FNDC3B: variants seen among roughly 807,000 people sequenced by gnomAD.
FNDC3B encodes fibronectin type III domain containing 3B, also known as fibronectin type III domain-containing protein 3B.
In FNDC3B, 12 loss-of-function variants were observed where a neutral mutation model predicts 151.5. That is an observed-to-expected ratio of 0.08 (90% CI 0.05 to 0.13). FNDC3B has a LOEUF of 0.13. FNDC3B is among the 10% of genes least tolerant of loss of function. The probability of loss-of-function intolerance (pLI) is 1.00; values close to 1 mark genes in which losing one functional copy is unlikely to be tolerated. For synonymous variants in FNDC3B, 528 were observed against 549.0 expected (o/e 0.96, Z 0.54); for missense variants, 1,214 against 1,505.3 (o/e 0.81, Z 3.20).
intron 3 of FNDC3B, among the ~76,000 whole-genome samples, chr3:172,149,404 C>T (rs1179789198): frequency 6.6e-6 from 1 of 152,196 alleles, no homozygotes; most frequent in Non-Finnish European, 1.5e-5. Context: ...TTCCATTGAT[C>T]AGGGGTTCAG....
chr3:172,160,458 C>A (rs964125406), intron 3 of FNDC3B, among the ~76,000 whole-genome samples: 4 of 152,204 alleles, frequency 2.6e-5, no homozygotes, highest in Non-Finnish European at 4.4e-5. Flanking sequence ...GGTTTACACC[C>A]CAACCCTAAG....
chr3:172,261,546 A>G lies in FNDC3B; in HGVS notation c.790+10005A>G, dbSNP rs113874933. 3.0e-3 allele frequency among the ~76,000 whole-genome samples: 461 copies of G among 152,276 alleles called. 4 individuals carry two copies. Among genetic ancestry groups the G allele is most frequent in the African/African-American group, 0.011 (447 of 41,562 alleles). On this transcript the variant is annotated intron_variant, in intron 6 of 25. Transcript: ENST00000415807. ...TTTTATTTTAAATTTAATTTGCTCA[A>G]CCAGACACACAGTGTAGCAGACGCT...
At chr3:172,268,735 C>G (rs964995769) in intron 6 of FNDC3B, among the ~76,000 whole-genome samples, 1 of 152,308 alleles carries the variant, frequency 6.6e-6, no homozygotes, top group Admixed American at 6.5e-5. Flanking sequence ...AATAGTTTCT[C>G]CAATCTTTCC....
In FNDC3B at chr3:172,264,966, T is replaced by G. The variant is rs577351000; in HGVS notation, c.790+13425T>G. ...TTTTGTCCATTTTTATCTTTAATGA[T>G]CTCAGTAGGAGGTAAACAACCTCGA... is the stretch of plus-strand genomic sequence containing the variant. On this transcript the variant is annotated intron_variant, in intron 6 of 25. Transcript: ENST00000415807. 9.8e-5 allele frequency among the ~76,000 whole-genome samples: 15 copies of G among 152,316 alleles called. No homozygotes were observed. The East Asian group carries it at 2.9e-3, about 29-fold the overall frequency.
intron 1 of FNDC3B, among the ~76,000 whole-genome samples, chr3:172,052,949 G>T (rs1234369258): frequency 6.6e-6 from 1 of 152,150 alleles, no homozygotes; most frequent in Non-Finnish European, 1.5e-5. Flanking sequence ...TTAGAAATGA[G>T]GACACTTTTG....
chr3:172,235,962 A>G (rs562055866), intron 4 of FNDC3B, among the ~76,000 whole-genome samples: 2 of 152,346 alleles, frequency 1.3e-5, no homozygotes, highest in East Asian at 3.9e-4. Flanking sequence ...GGTAATGGAC[A>G]GGTACTGCAG....
intron 9 of FNDC3B, chr3:172,302,838 GTC>G (rs1730986619): frequency 6.6e-6 from 1 of 151,460 alleles, no homozygotes; most frequent in South Asian, 2.1e-4. Context: ...AAAATCTCCT[GTC>G]TCTGTGTGTG....
intron 1 of FNDC3B, among the ~76,000 whole-genome samples, chr3:172,064,561 T>C (rs749548584): frequency 2.0e-5 from 3 of 152,240 alleles, no homozygotes; most frequent in Admixed American, 2.0e-4. Flanking sequence ...TTAAAATGTT[T>C]TACTTAAAAG....
intron 3 of FNDC3B, among the ~76,000 whole-genome samples, chr3:172,141,964 T>G (rs899281047): frequency 1.3e-5 from 2 of 152,224 alleles, no homozygotes; most frequent in East Asian, 1.9e-4. Flanking sequence ...ATTATAGATT[T>G]TGGAGTGAGA....
At chr3:172,041,258 G>GT (rs752655721) in intron 1 of FNDC3B, among the ~76,000 whole-genome samples, 12 of 152,052 alleles carry the variant, frequency 7.9e-5, no homozygotes, top group Non-Finnish European at 1.8e-4. Flanking sequence ...TTGCTTGTCT[G>GT]TTTATTTTTT....
At chr3:172,045,284 T>G (rs1054285955) in intron 1 of FNDC3B, among the ~76,000 whole-genome samples, 5 of 152,228 alleles carry the variant, frequency 3.3e-5, no homozygotes, top group African/African-American at 1.2e-4. Flanking sequence ...CCTAATGGAA[T>G]AGGTGATTTG....
chr3:172,263,582 A>C (rs2108793460), intron 6 of FNDC3B, among the ~76,000 whole-genome samples: 1 of 131,496 alleles, frequency 7.6e-6, no homozygotes, highest in East Asian at 2.2e-4. Flanking sequence ...TTCAGCTATC[A>C]AGTGTTTTTT....
chr3:172,266,041 A>C (rs79229047), intron 6 of FNDC3B, among the ~76,000 whole-genome samples: 4,518 of 152,268 alleles, frequency 0.03, 234 homozygotes, highest in African/African-American at 0.1. Context: ...CCCTCTGCTC[A>C]ATTTGAGGTA....
chr3:172,379,175 C>G (rs527535971), intron 24 of FNDC3B, among the ~76,000 whole-genome samples: 1 of 152,228 alleles, frequency 6.6e-6, no homozygotes. Flanking sequence ...GCATGCTCAG[C>G]CTGTCCACCC....
At chr3:172,179,805 C>T (rs1560004242) in intron 3 of FNDC3B, among the ~76,000 whole-genome samples, 1 of 141,398 alleles carries the variant, frequency 7.1e-6, no homozygotes, top group Non-Finnish European at 1.5e-5. Context: ...ATCATTTGAG[C>T]CCAGATGACA....
chr3:172,244,773 C>T (rs188836083), intron 4 of FNDC3B, among the ~76,000 whole-genome samples: 5 of 151,898 alleles, frequency 3.3e-5, no homozygotes, highest in Admixed American at 6.6e-5. Context: ...TACAGGTCCA[C>T]GCTGCCACAC....
chr3:172,053,749 C>A (rs1716783838), intron 1 of FNDC3B, among the ~76,000 whole-genome samples: 1 of 148,638 alleles, frequency 6.7e-6, no homozygotes, highest in South Asian at 2.1e-4. Context: ...TGCACTCCAG[C>A]CTAGGTGACA....
chr3:172,207,981 A>G (rs1258579636), intron 3 of FNDC3B, among the ~76,000 whole-genome samples: 1 of 152,206 alleles, frequency 6.6e-6, no homozygotes, highest in Non-Finnish European at 1.5e-5. Context: ...AGTAAAATTA[A>G]AGGGTTGAAG....
intron 11 of FNDC3B, among the ~76,000 whole-genome samples, chr3:172,314,526 A>G (rs937648533): frequency 6.3e-4 from 96 of 152,282 alleles, no homozygotes; most frequent in African/African-American, 2.2e-3. Flanking sequence ...GCAGCCCCAT[A>G]TTTTTATTAC....
Sources: gnomAD v4.1 joint callset for allele counts (sites outside exome capture counted in the v4.1 genomes callset) on GRCh38, gnomAD v4.1.1 for gene constraint, MANE v1.5 for transcripts, NCBI Gene and HGNC (gene_info 2026-07-23, HGNC 2026-07-21) for gene names.